The following MYBBP1A variants were observed in gnomAD, a reference collection of about 807,000 sequenced individuals.
MYBBP1A encodes the protein MYB binding protein 1a.
MYBBP1A carries 147 observed loss-of-function variants against 136.3 expected under a neutral mutation model. The observed-to-expected ratio is 1.08, with a 90% CI of 0.94 to 1.24. The LOEUF (loss-of-function observed/expected upper bound fraction) is 1.24. Ranked by LOEUF, MYBBP1A falls within the 50% of genes most tolerant of loss-of-function variation. The pLI, the probability that MYBBP1A is intolerant of heterozygous loss-of-function variation, is 0.00. For missense variants in MYBBP1A, 2,060 were observed against 1,727.4 expected (o/e 1.19, Z -3.41); for synonymous variants, 947 against 735.8 (o/e 1.29, Z -4.65).
chr17:4,553,704 T>C (rs1381416640), intron 5 of MYBBP1A, 106 bp downstream of exon 5: 11 of 797,420 alleles, frequency 1.4e-5, no homozygotes, highest in East Asian at 2.6e-5. Flanking sequence ...AAATTATACA[T>C]CTTTGTATTT....
rs150755661 is a variant in MYBBP1A, at chr17:4,551,922, T to G, written c.981A>C (p.Gly327=). ...TKEQLHLVMQ[G]DVIRHYGEHV... is the part of the protein sequence containing the mutation. The stretch of plus-strand genomic sequence containing the variant: ...GCTCCCCGTAATGGCGGATCACGTC[T>G]CCCTGCATCACCAGGTGCAGCTGCT... Residue 327 remains glycine, a synonymous_variant, in exon 8 of 26, where the codon GGA becomes GGC. Transcript: ENST00000254718. 1.1e-5 allele frequency: 18 copies of G among 1,613,346 alleles called. No individual in the cohort carries two copies. Among genetic ancestry groups the G allele is most frequent in the African/African-American group, 1.1e-4 (8 of 75,046 alleles).
At position 4,548,375 on chromosome 17, in the gene MYBBP1A, C is replaced by A; in HGVS notation, c.1557-65G>T. ...AGTCAATGTAGCCGCCTCCCTCCGC[C>A]CTCCCCAGGGCTCGGTCTCCCGCCT... is the stretch of plus-strand genomic sequence containing the variant. On this transcript the variant is annotated intron_variant, in intron 11 of 25. Transcript: ENST00000254718. The surrounding 1 kb of genome is among the most constrained non-coding windows in gnomAD (Gnocchi z 4.2). 2 of 1,603,774 alleles carry A rather than the reference C, an allele frequency of 1.2e-6. No homozygotes were observed. The highest frequency in any genetic ancestry group is 2.2e-5 in the South Asian group (2 of 90,862).
chr17:4,539,082 T>C lies in MYBBP1A; in HGVS notation c.*333A>G, dbSNP rs1906077914. 2 of 1,417,700 alleles carry C rather than the reference T, an allele frequency of 1.4e-6. No individual in the cohort carries two copies. Among genetic ancestry groups the C allele is most frequent in the Non-Finnish European group, 2.0e-6 (2 of 1,015,566 alleles). 87.8% of individuals were successfully genotyped at this position (1,417,700 alleles called of 1,614,324 possible). Reference sequence around the variant, plus strand: ...GCAAAAAAGCCTGGGGGCAAAGAGGTGGCAGGCACGAGAGATGGTCACACC... The same window carrying C: ...GCAAAAAAGCCTGGGGGCAAAGAGGCGGCAGGCACGAGAGATGGTCACACC... On this transcript the variant is annotated 3_prime_UTR_variant, in exon 26 of 26. Coordinates refer to ENST00000254718, the MANE Select transcript of MYBBP1A (RefSeq NM_014520.4).
Position 4,542,509 on chromosome 17 carries a change from G to T in MYBBP1A, c.3042C>A (p.Pro1014=), listed in dbSNP as rs149061509. The T allele has an allele frequency of 1.2e-6, 2 of 1,612,310 alleles. No individual in the cohort carries two copies. Among genetic ancestry groups the T allele is most frequent in the Non-Finnish European group, 1.7e-6 (2 of 1,178,900 alleles). The change falls in exon 22 of 26, where the codon CCC becomes CCA. Residue 1014 remains proline (P), a synonymous_variant. Coordinates refer to ENST00000254718, the MANE Select transcript of MYBBP1A (RefSeq NM_014520.4). ...GGCCCGTGATATGCTGGACCAGGAT[G>T]GGGAGCAGGCTCTGACAGAGCACCT... ...RHPVLCQSLL[P]ILVQHITGPV... is the part of the protein sequence containing the mutation.
chr17:4,554,399 CACCTTCTATGT>C (rs982189045), intron 2 of MYBBP1A, 121 bp from the exon 3 acceptor site: 28 of 767,752 alleles, frequency 3.6e-5, no homozygotes, highest in African/African-American at 2.4e-4. Context: ...TCCCTAGTCC[CACCTTCTATGT>C]ACCTTCTATG....
In MYBBP1A at chr17:4,552,402, T is replaced by C. The variant is rs1284763149; in HGVS notation, c.737+49A>G. The stretch of plus-strand genomic sequence containing the variant: ...AACGACAAATCTGGGCCTGGCCAGA[T>C]GCAGTCCCTTGGCCCCAGGGAGGGC... On this transcript the variant is annotated intron_variant, in intron 6 of 25. Transcript: ENST00000254718. The surrounding 1 kb of genome is among the most constrained non-coding windows in gnomAD (Gnocchi z 4.7). The C allele has an allele frequency of 5.6e-6, 9 of 1,605,510 alleles. No homozygotes were observed. Among genetic ancestry groups the C allele is most frequent in the Admixed American group, 1.7e-5 (1 of 59,816 alleles).
In MYBBP1A at chr17:4,539,148, AC is replaced by A. The variant is rs551418157; in HGVS notation, c.*266del. 205 of 1,475,254 alleles carry A rather than the reference AC, an allele frequency of 1.4e-4. 1 individual carries two copies. In the African/African-American group the frequency reaches 2.6e-3, roughly 19 times the overall value. The allele number at this position is 1,475,254 out of a possible 1,614,324, so 91.4% of individuals were successfully genotyped here. A position where few individuals can be genotyped will look rare whatever the true frequency, so the allele number is the denominator to read the frequency against. ...CATCAACCTGCACCAACCCAGGCAA[AC>A]ACCAGAGCCCTGGACATGGCCCTGG... On this transcript the variant is annotated 3_prime_UTR_variant, in exon 26 of 26. Coordinates refer to ENST00000254718, the MANE Select transcript of MYBBP1A (RefSeq NM_014520.4).
rs1335230393 is a variant in MYBBP1A at position 4,553,914 on chromosome 17, G to A, written c.457C>T (p.Gln153Ter). The change falls in exon 5 of 26, where the codon CAG (glutamine) becomes TAG (stop). Residue 153 changes from glutamine (Q) to a stop codon, truncating the protein, a stop_gained. Coordinates refer to ENST00000254718, the MANE Select transcript of MYBBP1A (RefSeq NM_014520.4). LOFTEE classifies it high-confidence loss of function. The part of the protein sequence containing the change: ...LFQSGRLVKD[Q>*]EALMKSVKLL... Reference sequence around the variant, plus strand: ...TTCACCGACTTCATCAGTGCCTCCTGGTCCTGGTCCCCACAGAGGGACAGA... The same window carrying A: ...TTCACCGACTTCATCAGTGCCTCCTAGTCCTGGTCCCCACAGAGGGACAGA... 6.2e-7 allele frequency: 1 copy of A among 1,613,972 alleles called. No individual in the cohort carries two copies. Among genetic ancestry groups the A allele is most frequent in the Non-Finnish European group, 8.5e-7 (1 of 1,179,996 alleles).
intron 2 of MYBBP1A, 138 bp from the exon 3 acceptor site, chr17:4,554,416 C>G (rs770831296): frequency 1.5e-6 from 1 of 675,322 alleles, no homozygotes; most frequent in Non-Finnish European, 2.6e-6. Flanking sequence ...TATGTACCTT[C>G]TATGGCCCCT....
At chr17:4,540,798 G>T (rs1468527301) in intron 24 of MYBBP1A, among the ~76,000 whole-genome samples, 1 of 152,300 alleles carries the variant, frequency 6.6e-6, no homozygotes, top group East Asian at 1.9e-4. Context: ...TCACCGCGGG[G>T]CTGCCAAAGC....
intron 14 of MYBBP1A, 36 bp downstream of exon 14, chr17:4,545,810 C>CCACCA (rs764531911): frequency 6.2e-7 from 1 of 1,610,662 alleles, no homozygotes; most frequent in Non-Finnish European, 8.5e-7. Context: ...TGGCCCCACC[C>CCACCA]CACCACTCTA....
chr17:4,541,647 G>T (rs1906444976), intron 23 of MYBBP1A, 83 bp from the exon 24 acceptor site: 1 of 1,495,370 alleles, frequency 6.7e-7, no homozygotes, highest in Non-Finnish European at 9.2e-7. Flanking sequence ...AAGCCCAGAG[G>T]CAGGGACCGT....
intron 25 of MYBBP1A, 63 bp downstream of exon 25, chr17:4,540,285 T>TGCAGCAGCGTGAGGGTGTTC (rs1906280961): frequency 1.3e-6 from 2 of 1,534,594 alleles, no homozygotes; most frequent in Admixed American, 3.7e-5. Flanking sequence ...TGTGTGTGTG[T>TGCAGCAGCGTGAGGGTGTTC]GCAGCAGCGT....
chr17:4,552,567 T>C lies in MYBBP1A; in HGVS notation c.621A>G (p.Ile207Met), dbSNP rs772489978. Residue 207 changes from isoleucine (I) to methionine (M), a missense_variant, in exon 6 of 26, where the codon ATA becomes ATG. Coordinates refer to ENST00000254718, the MANE Select transcript of MYBBP1A (RefSeq NM_014520.4). This position sits in a 1 kb window ranked among gnomAD's most constrained non-coding sequence, Gnocchi z 4.7. ...LPEVLKADLN[I>M]ILSSPEQLEL... ...CTAGCTGTTCAGGGGAGCTGAGTATTATATTCAAGTCGGCTTTGAGGACCT... is the reference window on the plus strand; with the variant it reads ...CTAGCTGTTCAGGGGAGCTGAGTATCATATTCAAGTCGGCTTTGAGGACCT... The C allele has an allele frequency of 6.2e-6, 10 of 1,613,984 alleles. No individual in the cohort carries two copies. The highest frequency in any genetic ancestry group is 7.6e-6 in the Non-Finnish European group (9 of 1,180,022).
At chr17:4,546,066 GCCCT>G in intron 13 of MYBBP1A, 124 bp from the exon 14 acceptor site, 2 of 808,350 alleles carry the variant, frequency 2.5e-6, no homozygotes, top group Non-Finnish European at 4.0e-6. Context: ...CCACTGGCCC[GCCCT>G]GGCCAGTCAC....
Position 4,545,338 on chromosome 17 carries a change from T to C in MYBBP1A, c.2081A>G (p.Asn694Ser), listed in dbSNP as rs928956058. Residue 694 changes from asparagine to serine, a missense_variant, in exon 16 of 26, where the codon AAC becomes AGC. Coordinates refer to ENST00000254718, the MANE Select transcript of MYBBP1A (RefSeq NM_014520.4). ...RALQLILDVL[N>S]PETSEDENDR... ...ATTCTCATCCTCACTGGTCTCGGGGTTCAGCACCTGGGGAGGGGTGCCAGC... is the reference window on the plus strand; with the variant it reads ...ATTCTCATCCTCACTGGTCTCGGGGCTCAGCACCTGGGGAGGGGTGCCAGC... 5.6e-6 allele frequency: 9 copies of C among 1,612,172 alleles called. No individual in the cohort carries two copies. Among genetic ancestry groups the C allele is most frequent in the Non-Finnish European group, 7.6e-6 (9 of 1,179,776 alleles).
chr17:4,539,079 A>C lies in MYBBP1A; in HGVS notation c.*336T>G. On this transcript the variant is annotated 3_prime_UTR_variant, in exon 26 of 26. Transcript: ENST00000254718. ...ACAGCAAAAAAGCCTGGGGGCAAAG[A>C]GGTGGCAGGCACGAGAGATGGTCAC... 7.2e-7 allele frequency: 1 copy of C among 1,395,686 alleles called. No individual in the cohort carries two copies. Among genetic ancestry groups the C allele is most frequent in the South Asian group, 1.2e-5 (1 of 85,384 alleles). The allele number at this position is 1,395,686 out of a possible 1,614,324, so 86.5% of individuals were successfully genotyped here.
rs375020815 is a variant in MYBBP1A, at chr17:4,542,868, G to A, written c.2892+45C>T. ...GGGGAAGTCCCGGCCTCCACTCCCT[G>A]GCTGTGAAATGCCTGGGGCTGCTCC... On this transcript the variant is annotated intron_variant, in intron 20 of 25. Coordinates refer to ENST00000254718, the MANE Select transcript of MYBBP1A (RefSeq NM_014520.4). The A allele has an allele frequency of 2.5e-6, 4 of 1,609,052 alleles. No homozygotes were observed. In the African/African-American group the frequency reaches 5.3e-5, roughly 22 times the overall value.
In MYBBP1A at chr17:4,539,349, A is replaced by G; in HGVS notation, c.*66T>C. 1 of 1,486,476 alleles carries G rather than the reference A, an allele frequency of 6.7e-7. No individual in the cohort carries two copies. Among genetic ancestry groups the G allele is most frequent in the East Asian group, 2.3e-5 (1 of 43,372 alleles). 92.1% of individuals were successfully genotyped at this position (1,486,476 alleles called of 1,614,324 possible). A position where few individuals can be genotyped will look rare whatever the true frequency, so the allele number is the denominator to read the frequency against. Reference sequence around the variant, plus strand: ...TGCGTATTAAAATCATGGTTTAAAAAAAAAAAAAAAAAATAGGCGTCTCAG... The same window carrying G: ...TGCGTATTAAAATCATGGTTTAAAAGAAAAAAAAAAAAATAGGCGTCTCAG... On this transcript the variant is annotated 3_prime_UTR_variant, in exon 26 of 26. Coordinates refer to ENST00000254718, the MANE Select transcript of MYBBP1A (RefSeq NM_014520.4).
Sources: gnomAD v4.1 joint callset for allele counts (sites outside exome capture counted in the v4.1 genomes callset) on GRCh38, gnomAD v4.1.1 for gene constraint, Gnocchi (gnomAD v3.1) non-coding constraint, MANE v1.5 for transcripts, NCBI Gene and HGNC (gene_info 2026-07-23, HGNC 2026-07-21) for gene names.